Variants in DPP10 observed in about 807,000 individuals in gnomAD.
DPP10 encodes the protein inactive dipeptidyl peptidase 10.
A neutral mutation model predicts 120.9 loss-of-function variants in DPP10; 33 were observed. The observed-to-expected ratio is 0.27, with a 90% CI of 0.21 to 0.37. The LOEUF is 0.37. DPP10 is among the 10% of genes least tolerant of loss of function. The pLI, the probability that DPP10 is intolerant of heterozygous loss-of-function variation, is 1.00. For synonymous variants in DPP10, 337 were observed against 326.1 expected, an observed-to-expected ratio of 1.03 and a Z score of -0.36; for missense variants, 816 against 942.8, an observed-to-expected ratio of 0.87 and a Z score of 1.76.
chr2:115,042,889 T>A (rs552132664), intron 1 of DPP10, among the ~76,000 whole-genome samples: 21 of 152,346 alleles, frequency 1.4e-4, no homozygotes, highest in Non-Finnish European at 2.5e-4. Context: ...AATCAAGGAC[T>A]CTGTCTAATG....
At chr2:115,645,030 AG>A (rs2087117752) in intron 5 of DPP10, among the ~76,000 whole-genome samples, 1 of 152,318 alleles carries the variant, frequency 6.6e-6, no homozygotes, top group Admixed American at 6.5e-5. Context: ...TGAACTGTAT[AG>A]GAACTTGCCC....
intron 1 of DPP10, among the ~76,000 whole-genome samples, chr2:115,054,162 A>G (rs10169014): frequency 0.018 from 2,773 of 152,274 alleles, 82 homozygotes; most frequent in African/African-American, 0.064. Flanking sequence ...CTTAATCTTC[A>G]GAAACCCGTG....
rs1464459827 is a variant in DPP10 at position 114,517,261 on chromosome 2, C to T, written c.60+74423C>T. 2.6e-5 allele frequency among the ~76,000 whole-genome samples: 4 copies of T among 152,312 alleles called. No homozygotes were observed. In the East Asian group the frequency reaches 7.7e-4, roughly 29 times the overall value. On this transcript the variant is annotated intron_variant, in intron 1 of 25. Coordinates refer to ENST00000410059, the MANE Select transcript of DPP10 (RefSeq NM_020868.6). ...TATGGCTGGGCACAGTGGCTCATGC[C>T]TGTAATCCCAACACTTTGGGAGGCC... is the stretch of plus-strand genomic sequence containing the variant.
At chr2:114,826,857 T>C (rs572934543) in intron 1 of DPP10, among the ~76,000 whole-genome samples, 22 of 152,238 alleles carry the variant, frequency 1.4e-4, no homozygotes, top group African/African-American at 4.6e-4. Context: ...CTAAGTCTGA[T>C]GAAAGAAATG....
chr2:115,350,293 G>C (rs1050656915), intron 3 of DPP10, among the ~76,000 whole-genome samples: 1 of 151,984 alleles, frequency 6.6e-6, no homozygotes, highest in African/African-American at 2.4e-5. Context: ...ATACACACAA[G>C]TATATGCAAA....
intron 12 of DPP10, among the ~76,000 whole-genome samples, chr2:115,766,338 GTA>G (rs71394167): frequency 2.4e-5 from 2 of 84,872 alleles, no homozygotes; most frequent in Admixed American, 1.4e-4. Context: ...ATATATATAT[GTA>G]TATATATATA....
At chr2:114,621,059 GAGAGA>G (rs1169412203) in intron 1 of DPP10, among the ~76,000 whole-genome samples, 1 of 152,054 alleles carries the variant, frequency 6.6e-6, no homozygotes, top group Non-Finnish European at 1.5e-5. Flanking sequence ...GTGGGGTTCT[GAGAGA>G]AGAGATGAAG....
intron 1 of DPP10, among the ~76,000 whole-genome samples, chr2:114,704,844 G>A (rs1229601754): frequency 6.6e-6 from 1 of 152,114 alleles, no homozygotes; most frequent in African/African-American, 2.4e-5. Context: ...AGGTAATTAA[G>A]GTTAAATGAG....
At chr2:115,395,628 T>A (rs1458946839) in intron 3 of DPP10, among the ~76,000 whole-genome samples, 2 of 152,174 alleles carry the variant, frequency 1.3e-5, no homozygotes, top group Non-Finnish European at 2.9e-5. Flanking sequence ...TCCCACCTTC[T>A]TCTCTAACTC....
intron 1 of DPP10, among the ~76,000 whole-genome samples, chr2:115,165,586 A>G (rs147560982): frequency 3.6e-4 from 55 of 152,342 alleles, no homozygotes; most frequent in African/African-American, 1.3e-3. Context: ...TCATAAATTT[A>G]TAGGAGCTTT....
intron 1 of DPP10, among the ~76,000 whole-genome samples, chr2:114,949,231 C>T (rs1697593507): frequency 6.6e-6 from 1 of 151,998 alleles, no homozygotes; most frequent in Admixed American, 6.6e-5. Flanking sequence ...CCCAGTAAGA[C>T]ACTTTTAAAC....
chr2:115,172,991 G>T (rs1380833481), intron 1 of DPP10, among the ~76,000 whole-genome samples: 1 of 152,200 alleles, frequency 6.6e-6, no homozygotes, highest in Non-Finnish European at 1.5e-5. Flanking sequence ...TTAAGAAGCT[G>T]CATGGCATCC....
chr2:114,520,434 G>A (rs1684958743), intron 1 of DPP10, among the ~76,000 whole-genome samples: 1 of 152,198 alleles, frequency 6.6e-6, no homozygotes, highest in South Asian at 2.1e-4. Context: ...CTGCAAGAAT[G>A]CCACCACTTT....
At chr2:115,757,422 G>A (rs780406982) in intron 11 of DPP10, among the ~76,000 whole-genome samples, 4 of 152,112 alleles carry the variant, frequency 2.6e-5, no homozygotes, top group Non-Finnish European at 5.9e-5. Context: ...AGAGGAAGAA[G>A]TCACATCTTA....
chr2:115,528,446 TA>T (rs34267028), intron 5 of DPP10, among the ~76,000 whole-genome samples: 3 of 148,426 alleles, frequency 2.0e-5, no homozygotes, highest in East Asian at 2.0e-4. Context: ...ATTTAAACAT[TA>T]AAAAAAAAAC....
At chr2:114,945,995 A>G (rs775945073) in intron 1 of DPP10, among the ~76,000 whole-genome samples, 15 of 152,220 alleles carry the variant, frequency 9.9e-5, no homozygotes, top group Non-Finnish European at 2.1e-4. Flanking sequence ...ATGACATTCT[A>G]CAAAACACCT....
At chr2:115,310,635 T>A (rs1213110763) in intron 2 of DPP10, among the ~76,000 whole-genome samples, 1 of 152,132 alleles carries the variant, frequency 6.6e-6, no homozygotes, top group Non-Finnish European at 1.5e-5. Flanking sequence ...CCCAGGAACC[T>A]TTTCTTAACT....
chr2:115,810,717 G>T (rs908468778), intron 19 of DPP10, among the ~76,000 whole-genome samples: 2 of 152,258 alleles, frequency 1.3e-5, no homozygotes, highest in Admixed American at 1.3e-4. Flanking sequence ...AGATGGAATT[G>T]TTCTTTTCAC....
intron 1 of DPP10, among the ~76,000 whole-genome samples, chr2:114,795,291 T>C (rs1360725873): frequency 6.6e-6 from 1 of 150,776 alleles, no homozygotes; most frequent in Admixed American, 6.6e-5. Context: ...GAGACCAACC[T>C]AGCCAACATG....
Sources: allele counts gnomAD v4.1 joint callset (sites outside exome capture counted in the v4.1 genomes callset), GRCh38; gene constraint gnomAD v4.1.1; transcripts MANE v1.5; gene names NCBI Gene and HGNC (gene_info 2026-07-23, HGNC 2026-07-21).